Variants in MYO5C observed in about 807,000 individuals in gnomAD.
MYO5C encodes myosin VC.
In MYO5C, 194 loss-of-function variants were observed where a neutral mutation model predicts 235.7. That is an observed-to-expected ratio of 0.82 (90% confidence interval 0.73 to 0.93). MYO5C has a LOEUF of 0.93. Ranked by LOEUF, MYO5C falls within the 40% of genes least tolerant of loss-of-function variation. The pLI, the probability that MYO5C is intolerant of heterozygous loss-of-function variation, is 0.00. For synonymous variants in MYO5C, 707 were observed against 754.8 expected (o/e 0.94, Z 1.04); for missense variants, 2,038 against 2,127.2 (o/e 0.96, Z 0.82).
rs766289533 is a variant in MYO5C at position 52,261,032 on chromosome 15, G to A, written c.1143C>T (p.Ser381=). The change falls in exon 10 of 41, where the codon AGC becomes AGT. Residue 381 remains serine (S), a synonymous_variant. Coordinates refer to ENST00000261839, the MANE Select transcript of MYO5C (RefSeq NM_018728.4). ...TCATGGGTTTTACCACCGTCTCAGA[G>A]CTTGTGACGATTTTGCGATTGCACA... ...QWLCNRKIVT[S]SETVVKPMTR... 2.4e-5 allele frequency: 38 copies of A among 1,614,096 alleles called. 1 individual carries two copies. The South Asian group carries it at 4.0e-4, about 17-fold the overall frequency.
At chr15:52,254,068 A>G (rs564677342) in intron 11 of MYO5C, among the ~76,000 whole-genome samples, 8 of 152,200 alleles carry the variant, frequency 5.3e-5, no homozygotes, top group Non-Finnish European at 7.3e-5. Flanking sequence ...TGAAAGCTCA[A>G]TGGGTGCTTG....
At chr15:52,291,941 G>A (rs974416260) in intron 1 of MYO5C, among the ~76,000 whole-genome samples, 4 of 151,560 alleles carry the variant, frequency 2.6e-5, no homozygotes, top group African/African-American at 4.9e-5. Context: ...GGGTTTCACC[G>A]TGTTAGCCAG....
chr15:52,262,417 T>A (rs1011088293), intron 9 of MYO5C, among the ~76,000 whole-genome samples: 1 of 152,128 alleles, frequency 6.6e-6, no homozygotes, highest in East Asian at 1.9e-4. Flanking sequence ...TGGGTAGAAA[T>A]CACATTTTTA....
intron 8 of MYO5C, among the ~76,000 whole-genome samples, chr15:52,267,131 A>C (rs1156530465): frequency 1.3e-5 from 2 of 152,216 alleles, no homozygotes; most frequent in African/African-American, 2.4e-5. Flanking sequence ...CTGTAAACAT[A>C]ACCTAAGTTG....
At position 52,211,804 on chromosome 15, in the gene MYO5C, C is replaced by T. The variant is rs2035446256; in HGVS notation, c.4222G>A (p.Asp1408Asn). The T allele has an allele frequency of 6.2e-6, 10 of 1,614,224 alleles. No individual in the cohort carries two copies. The highest frequency in any genetic ancestry group is 2.2e-5 in the East Asian group (1 of 44,890). The change falls in exon 35 of 41, where the codon GAC becomes AAC. Residue 1408 changes from aspartate to asparagine, a missense_variant. Physicochemically the swap from Asp to Asn is conservative, Grantham distance 23. Transcript: ENST00000261839. ...HILFMCVRYA[D>N]SLNDANMLKS... is the part of the protein sequence containing the mutation. ...AGCATGTTGGCATCATTCAGAGAGTCTGCGTAGCGCACACACATGAACAGG... is the reference window on the plus strand; with the variant it reads ...AGCATGTTGGCATCATTCAGAGAGTTTGCGTAGCGCACACACATGAACAGG...
Position 52,218,528 on chromosome 15 carries a change from C to G in MYO5C, c.3945G>C (p.Leu1315Phe), listed in dbSNP as rs1239676252. The change falls in exon 32 of 41, where the codon TTG becomes TTC. Residue 1315 changes from leucine (L) to phenylalanine (F), a missense_variant. Physicochemically the swap from Leu to Phe is conservative, Grantham distance 22. Coordinates refer to ENST00000261839, the MANE Select transcript of MYO5C (RefSeq NM_018728.4). ...TTAGAAGACTTCTCACCCTGTTTTC[C>G]AAAGTGAGCCGGGATGCTTCCTGCC... ...NFRQEASRLTLENRDLEEELD... is the reference protein window; with the variant it reads ...NFRQEASRLTFENRDLEEELD... 1 of 1,614,032 alleles carries G rather than the reference C, an allele frequency of 6.2e-7. No individual in the cohort carries two copies. Among genetic ancestry groups the G allele is most frequent in the Non-Finnish European group, 8.5e-7 (1 of 1,180,004 alleles).
chr15:52,218,704 G>A lies in MYO5C; in HGVS notation c.3786-17C>T. ...TCCAAGGCCCTGAGAAAGGGAGGGA[G>A]GAATGGCTGGTATCAGTATGACGGT... On this transcript the variant is annotated splice_polypyrimidine_tract_variant and intron_variant, in intron 31 of 40. Coordinates refer to ENST00000261839, the MANE Select transcript of MYO5C (RefSeq NM_018728.4). 6.2e-7 allele frequency: 1 copy of A among 1,613,184 alleles called. No homozygotes were observed. Among genetic ancestry groups the A allele is most frequent in the Non-Finnish European group, 8.5e-7 (1 of 1,179,332 alleles).
chr15:52,260,789 C>G, intron 10 of MYO5C, 73 bp downstream of exon 10: 1 of 1,516,070 alleles, frequency 6.6e-7, no homozygotes, highest in Non-Finnish European at 9.0e-7. Context: ...AGAACCAGAA[C>G]AAAATGATCT....
intron 33 of MYO5C, 133 bp from the exon 34 acceptor site, chr15:52,213,419 G>A (rs1237416275): frequency 3.1e-6 from 2 of 635,126 alleles, no homozygotes; most frequent in African/African-American, 3.6e-5. Flanking sequence ...CATTAAAACT[G>A]TACTGTATTG....
chr15:52,205,053 G>C lies in MYO5C; in HGVS notation c.4632C>G (p.Asp1544Glu), dbSNP rs201143248. 3.7e-5 allele frequency: 59 copies of C among 1,614,110 alleles called. 1 individual carries two copies. Among genetic ancestry groups the C allele is most frequent in the Non-Finnish European group, 3.4e-6 (4 of 1,180,036 alleles). The change falls in exon 38 of 41, where the codon GAC becomes GAG. Residue 1544 changes from aspartate (D) to glutamate (E), a missense_variant. Transcript: ENST00000261839. ...RKRSSSIDDT[D>E]GYTMTSVLQQ... ...GCAGGACGGAGGTCATGGTGTAGCC[G>C]TCCGTGTCGTCTATGCTAGAGGAGC...
At chr15:52,263,255 A>G (rs1353218914) in intron 9 of MYO5C, among the ~76,000 whole-genome samples, 1 of 152,168 alleles carries the variant, frequency 6.6e-6, no homozygotes, top group African/African-American at 2.4e-5. Context: ...TCATAGAAAC[A>G]TTTTTTACTT....
chr15:52,277,239 T>C (rs2037072034), intron 4 of MYO5C: 1 of 529,228 alleles, frequency 1.9e-6, no homozygotes, highest in South Asian at 1.4e-5. Context: ...TGCTTTGGGC[T>C]CCGTTCTGTT....
At chr15:52,286,081 C>T (rs1188273969) in intron 1 of MYO5C, among the ~76,000 whole-genome samples, 4 of 152,026 alleles carry the variant, frequency 2.6e-5, no homozygotes, top group African/African-American at 4.8e-5. Context: ...TCTGCCCGGC[C>T]GCCCCGTCTG....
chr15:52,219,689 G>T, intron 31 of MYO5C, 70 bp downstream of exon 31: 2 of 1,214,346 alleles, frequency 1.6e-6, no homozygotes, highest in Non-Finnish European at 2.4e-6. Context: ...AACACATCTT[G>T]GTATATTCTA....
rs185542918 is a variant in MYO5C at position 52,247,745 on chromosome 15, C to T, written c.1747-153G>A. 6.6e-5 allele frequency among the ~76,000 whole-genome samples: 10 copies of T among 152,320 alleles called. No homozygotes were observed. The East Asian group carries it at 7.7e-4, about 12-fold the overall frequency. ...ACAGCCAAATCTCAATTCCACAAGA[C>T]GATCGTCTTTCATAGGGATGGCCCG... is the stretch of plus-strand genomic sequence containing the variant. On this transcript the variant is annotated intron_variant, in intron 14 of 40. Coordinates refer to ENST00000261839, the MANE Select transcript of MYO5C (RefSeq NM_018728.4).
At chr15:52,231,533 G>C (rs976455653) in intron 24 of MYO5C, among the ~76,000 whole-genome samples, 1 of 152,154 alleles carries the variant, frequency 6.6e-6, no homozygotes, top group African/African-American at 2.4e-5. Context: ...AGGTAAATGA[G>C]TTAATTAGAC....
At chr15:52,217,710 C>A (rs1245444502) in intron 32 of MYO5C, among the ~76,000 whole-genome samples, 1 of 152,176 alleles carries the variant, frequency 6.6e-6, no homozygotes, top group African/African-American at 2.4e-5. Flanking sequence ...AAAGTTAAAC[C>A]CTGACACTCA....
intron 36 of MYO5C, among the ~76,000 whole-genome samples, chr15:52,206,555 A>G (rs748496520): frequency 6.6e-6 from 1 of 152,070 alleles, no homozygotes; most frequent in Non-Finnish European, 1.5e-5. Flanking sequence ...CACCAGAGAG[A>G]GCTTGCCCTC....
At position 52,193,353 on chromosome 15, in the gene MYO5C, T is replaced by C. The variant is rs1211606203; in HGVS notation, c.*549A>G. 1 of 149,288 alleles carries C rather than the reference T, an allele frequency of 6.7e-6. No homozygotes were observed. Among genetic ancestry groups the C allele is most frequent in the African/African-American group, 2.5e-5 (1 of 40,326 alleles). 9.2% of individuals were successfully genotyped at this position (149,288 alleles called of 1,614,324 possible). A position where few individuals can be genotyped will look rare whatever the true frequency, so the allele number is the denominator to read the frequency against. ...AAAAAAAATTTAGAAGGGTCTAAAA[T>C]AAACATTTTTAAATGCAGGGCATTT... On this transcript the variant is annotated 3_prime_UTR_variant, in exon 41 of 41. Transcript: ENST00000261839.
Sources: allele counts gnomAD v4.1 joint callset (sites outside exome capture counted in the v4.1 genomes callset), GRCh38; gene constraint gnomAD v4.1.1; transcripts MANE v1.5; gene names NCBI Gene and HGNC (gene_info 2026-07-23, HGNC 2026-07-21).